CGNL1: variants seen among roughly 807,000 people sequenced by gnomAD.
CGNL1 encodes the protein cingulin-like protein 1.
Under a neutral mutation model 141.2 loss-of-function variants are expected in CGNL1, and 132 were observed. That is an observed-to-expected ratio of 0.93 (90% CI 0.81 to 1.08). The LOEUF is 1.08. CGNL1 is among the 50% of genes least tolerant of loss of function. CGNL1 has a pLI of 0.00. For missense variants in CGNL1, 1,870 were observed against 1,588.6 expected (o/e 1.18, Z -3.01); for synonymous variants, 690 against 622.1 (o/e 1.11, Z -1.63).
intron 7 of CGNL1, among the ~76,000 whole-genome samples, chr15:57,460,525 C>T (rs971293518): frequency 1.1e-4 from 16 of 152,140 alleles, no homozygotes; most frequent in Non-Finnish European, 2.2e-4. Context: ...AATTTATAAA[C>T]AAAGGAGGTT....
At chr15:57,546,433 G>A (rs544734988) in intron 18 of CGNL1, among the ~76,000 whole-genome samples, 194 bp downstream of exon 18, 3 of 152,268 alleles carry the variant, frequency 2.0e-5, no homozygotes, top group African/African-American at 2.4e-5. Flanking sequence ...TCTCATGCAT[G>A]TCATTCTTAT....
intron 1 of CGNL1, chr15:57,407,043 C>T (rs1292138218): frequency 6.6e-6 from 1 of 152,178 alleles, no homozygotes; most frequent in African/African-American, 2.4e-5. Flanking sequence ...GAGCTGGTAA[C>T]TGTTGGATCA....
intron 1 of CGNL1, among the ~76,000 whole-genome samples, chr15:57,426,612 A>ATT (rs35055374): frequency 1.0e-4 from 12 of 119,644 alleles, no homozygotes; most frequent in African/African-American, 2.9e-4. Context: ...ATGCTTGGCT[A>ATT]TTTTTTTTTT....
At chr15:57,383,590 A>G (rs1412205247) in intron 1 of CGNL1, among the ~76,000 whole-genome samples, 1 of 144,958 alleles carries the variant, frequency 6.9e-6, no homozygotes, top group Non-Finnish European at 1.5e-5. Context: ...GAGCCACCAC[A>G]TCTGCCTTTT....
chr15:57,493,842 T>A (rs2063900348), intron 8 of CGNL1, among the ~76,000 whole-genome samples: 1 of 152,042 alleles, frequency 6.6e-6, no homozygotes, highest in Non-Finnish European at 1.5e-5. Context: ...CAATCAGAGG[T>A]TTTCAACAAA....
intron 1 of CGNL1, among the ~76,000 whole-genome samples, chr15:57,388,757 C>T (rs1374155619): frequency 1.3e-5 from 2 of 152,112 alleles, no homozygotes; most frequent in Non-Finnish European, 2.9e-5. Flanking sequence ...TAAAGTTCTC[C>T]GAGGGAGAGA....
In CGNL1 at chr15:57,451,523, C is replaced by G. The variant is rs764217576; in HGVS notation, c.1827C>G (p.Val609=). 4 of 1,611,896 alleles carry G rather than the reference C, an allele frequency of 2.5e-6. No individual in the cohort carries two copies. Among genetic ancestry groups the G allele is most frequent in the Non-Finnish European group, 3.4e-6 (4 of 1,178,836 alleles). The part of the protein sequence containing the change: ...NNQACNSTSE[V]KDLLEQKSKL... The stretch of plus-strand genomic sequence containing the variant: ...AGGCTTGTAATTCCACATCTGAAGT[C>G]AAAGATCTATTGGAACAGAAAAGCA... Residue 609 remains valine, a synonymous_variant, in exon 5 of 19, where the codon GTC becomes GTG. Transcript: ENST00000281282.
chr15:57,454,885 A>G (rs74016207), intron 7 of CGNL1, among the ~76,000 whole-genome samples: 6,534 of 152,142 alleles, frequency 0.043, 387 homozygotes, highest in African/African-American at 0.13. Context: ...TTAAAACAAC[A>G]TAAAACGAAA....
At chr15:57,446,642 G>A (rs1398119640) in intron 4 of CGNL1, among the ~76,000 whole-genome samples, 1 of 148,226 alleles carries the variant, frequency 6.7e-6, no homozygotes, top group African/African-American at 2.5e-5. Context: ...TAGCTGCTAG[G>A]TGTAATGCCA....
chr15:57,473,240 G>C (rs991018379), intron 8 of CGNL1, among the ~76,000 whole-genome samples: 2 of 152,176 alleles, frequency 1.3e-5, no homozygotes, highest in African/African-American at 4.8e-5. Context: ...TTCAATCTAT[G>C]TTATACTCTC....
chr15:57,484,268 A>C (rs1435705923), intron 8 of CGNL1, among the ~76,000 whole-genome samples: 1 of 152,168 alleles, frequency 6.6e-6, no homozygotes, highest in Admixed American at 6.5e-5. Context: ...TAAAATATGA[A>C]TTCAGTTTCC....
At chr15:57,422,747 T>A (rs1008117112) in intron 1 of CGNL1, among the ~76,000 whole-genome samples, 55 of 152,194 alleles carry the variant, frequency 3.6e-4, no homozygotes, top group African/African-American at 1.3e-3. Flanking sequence ...AGGCACCTAG[T>A]GTCAGTATTG....
chr15:57,396,060 A>G (rs1246962147), intron 1 of CGNL1, among the ~76,000 whole-genome samples: 1 of 152,132 alleles, frequency 6.6e-6, no homozygotes, highest in Non-Finnish European at 1.5e-5. Context: ...TTTTTTACTT[A>G]GTATTATGTT....
chr15:57,547,116 A>T (rs1280593142), intron 18 of CGNL1, among the ~76,000 whole-genome samples: 1 of 152,212 alleles, frequency 6.6e-6, no homozygotes, highest in Non-Finnish European at 1.5e-5. Context: ...AATCAACAAT[A>T]CTGATCCTAT....
At chr15:57,530,028 A>G (rs924900158) in intron 13 of CGNL1, among the ~76,000 whole-genome samples, 1 of 152,242 alleles carries the variant, frequency 6.6e-6, no homozygotes, top group East Asian at 1.9e-4. Context: ...CCACTTAACT[A>G]GAAACTGATT....
intron 4 of CGNL1, among the ~76,000 whole-genome samples, chr15:57,443,916 A>G (rs1251700465): frequency 1.3e-5 from 2 of 152,222 alleles, no homozygotes; most frequent in Non-Finnish European, 2.9e-5. Flanking sequence ...TAGCTAACAG[A>G]TGAGTCTTCA....
At chr15:57,448,043 A>G (rs2063278329) in intron 4 of CGNL1, among the ~76,000 whole-genome samples, 1 of 152,146 alleles carries the variant, frequency 6.6e-6, no homozygotes. Context: ...GCAGTGGTTC[A>G]TGCCTGTAAT....
chr15:57,424,561 C>T (rs1232013501), intron 1 of CGNL1, among the ~76,000 whole-genome samples: 1 of 152,142 alleles, frequency 6.6e-6, no homozygotes, highest in Non-Finnish European at 1.5e-5. Flanking sequence ...CCCAGATGAG[C>T]TGATGAGCAC....
At chr15:57,447,805 CGTGTGT>C (rs3985737) in intron 4 of CGNL1, among the ~76,000 whole-genome samples, 43,586 of 144,270 alleles carry the variant, frequency 0.3, 6,880 homozygotes, top group South Asian at 0.4. Flanking sequence ...TCTCTCTTTT[CGTGTGT>C]GTGTGTGTGT....
Sources: gnomAD v4.1 joint callset for allele counts (sites outside exome capture counted in the v4.1 genomes callset) on GRCh38, gnomAD v4.1.1 for gene constraint, MANE v1.5 for transcripts, NCBI Gene and HGNC (gene_info 2026-07-23, HGNC 2026-07-21) for gene names.